Variants in CYP4F22 observed in about 807,000 individuals in gnomAD.
CYP4F22 encodes ultra-long-chain fatty acid omega-hydroxylase.
CYP4F22 carries 37 observed loss-of-function variants against 60.4 expected under a neutral mutation model. The observed-to-expected ratio is 0.61, with a 90% CI of 0.47 to 0.81. The LOEUF is 0.81. CYP4F22 is among the 30% of genes least tolerant of loss of function. The pLI is 0.00. For synonymous variants in CYP4F22, 258 were observed against 280.5 expected (o/e 0.92, Z 0.80); for missense variants, 655 against 715.0 (o/e 0.92, Z 0.96).
chr19:15,539,787 GTGCAGCC>G (rs1415958543), intron 7 of CYP4F22, among the ~76,000 whole-genome samples: 1 of 152,172 alleles, frequency 6.6e-6, no homozygotes, highest in Non-Finnish European at 1.5e-5. Context: ...TCAGGCTGGA[GTGCAGCC>G]CAACACTTGT....
chr19:15,508,810 C>T (rs1020043353), intron 1 of CYP4F22, among the ~76,000 whole-genome samples: 2 of 151,724 alleles, frequency 1.3e-5, no homozygotes, highest in African/African-American at 4.8e-5. Context: ...ACGTTTGCTG[C>T]ATTTGTGAGT....
chr19:15,513,585 C>T (rs1422172687), intron 1 of CYP4F22, among the ~76,000 whole-genome samples: 2 of 151,892 alleles, frequency 1.3e-5, no homozygotes, highest in South Asian at 2.1e-4. Flanking sequence ...AGGATGGTCT[C>T]GATCTCCTGA....
intron 4 of CYP4F22, among the ~76,000 whole-genome samples, chr19:15,533,454 G>C (rs898365646): frequency 5.9e-5 from 9 of 152,034 alleles, no homozygotes; most frequent in Non-Finnish European, 1.0e-4. Flanking sequence ...TCTGCTTTCT[G>C]TCTCTATGTA....
In CYP4F22 at chr19:15,551,734, C is replaced by T; in HGVS notation, c.*263C>T. On this transcript the variant is annotated 3_prime_UTR_variant, in exon 14 of 14. Transcript: ENST00000269703. ...CTCGCACCTGTCCTGTTTGAGGGAC[C>T]AGGGTCGACCCTGCCCCCTTGGGCT... 1 of 565,760 alleles carries T rather than the reference C, an allele frequency of 1.8e-6. No individual in the cohort carries two copies. The highest frequency in any genetic ancestry group is 3.1e-5 in the Admixed American group (1 of 32,286). 35.0% of individuals were successfully genotyped at this position (565,760 alleles called of 1,614,324 possible).
At chr19:15,535,588 A>T (rs1971386029) in intron 4 of CYP4F22, among the ~76,000 whole-genome samples, 1 of 151,944 alleles carries the variant, frequency 6.6e-6, no homozygotes, top group African/African-American at 2.4e-5. Context: ...TCATTCATCC[A>T]TCCACCTTCC....
intron 10 of CYP4F22, among the ~76,000 whole-genome samples, chr19:15,547,865 A>C (rs964054059): frequency 4.6e-5 from 7 of 151,754 alleles, no homozygotes; most frequent in Admixed American, 2.6e-4. Flanking sequence ...AAACAAAAAA[A>C]CCACTAAATA....
chr19:15,521,532 T>C (rs993884305), intron 1 of CYP4F22, among the ~76,000 whole-genome samples: 6 of 152,104 alleles, frequency 3.9e-5, no homozygotes, highest in African/African-American at 1.4e-4. Flanking sequence ...CCGCCCAGCC[T>C]ACTTCCACGT....
At chr19:15,521,233 T>C (rs1971221597) in intron 1 of CYP4F22, among the ~76,000 whole-genome samples, 1 of 26,830 alleles carries the variant, frequency 3.7e-5, no homozygotes, top group Admixed American at 3.3e-4. Flanking sequence ...ACTTCCACCT[T>C]TTTTTTTTTT....
At position 15,529,782 on chromosome 19, in the gene CYP4F22, G is replaced by T; in HGVS notation, c.296G>T (p.Trp99Leu). 1 of 1,614,154 alleles carries T rather than the reference G, an allele frequency of 6.2e-7. No homozygotes were observed. Among genetic ancestry groups the T allele is most frequent in the Non-Finnish European group, 8.5e-7 (1 of 1,180,032 alleles). Residue 99 changes from tryptophan (W) to leucine (L), a missense_variant, in exon 4 of 14, where the codon TGG becomes TTG. Trp to Leu is a moderately conservative substitution (Grantham distance 61). Around this residue, in one of 3 missense-constraint regions of CYP4F22, gnomAD observed 430 missense variants for 457.1 expected, o/e 0.94. Coordinates refer to ENST00000269703, the MANE Select transcript of CYP4F22 (RefSeq NM_173483.4). ...AACATGCACCATGTACTCTTGGTATGGATGGGACCTGTCCTGCCGCTGTTG... is the reference window on the plus strand; with the variant it reads ...AACATGCACCATGTACTCTTGGTATTGATGGGACCTGTCCTGCCGCTGTTG... ...LDNMHHVLLV[W>L]MGPVLPLLVL...
chr19:15,515,326 T>G, intron 1 of CYP4F22: 12 of 1,178,638 alleles, frequency 1.0e-5, no homozygotes, highest in Non-Finnish European at 1.4e-5. Context: ...TAATGGTTCA[T>G]GGCCAGAAAA....
chr19:15,525,915 C>T (rs1053046163), intron 3 of CYP4F22, among the ~76,000 whole-genome samples: 3 of 151,540 alleles, frequency 2.0e-5, no homozygotes. Flanking sequence ...TAGTCTCAGC[C>T]ACTTGGGAGG....
intron 1 of CYP4F22, among the ~76,000 whole-genome samples, chr19:15,521,495 G>T (rs1971224826): frequency 6.6e-6 from 1 of 152,124 alleles, no homozygotes. Flanking sequence ...GCCTCCCAAA[G>T]TGCTGGGAGT....
At chr19:15,535,664 T>C (rs888463258) in intron 4 of CYP4F22, among the ~76,000 whole-genome samples, 2 of 151,506 alleles carry the variant, frequency 1.3e-5, no homozygotes, top group African/African-American at 2.4e-5. Context: ...ATCCATCCAT[T>C]CATCCATCCA....
Position 15,549,118 on chromosome 19 carries a change from G to T in CYP4F22, c.1271-20G>T, listed in dbSNP as rs2144547466. ...GGCCCTGGCTCCCCTTGGCCCCACT[G>T]ATCCCATCTTTCCCCACAGGAATCA... On this transcript the variant is annotated intron_variant, in intron 11 of 13. Transcript: ENST00000269703. 6.2e-7 allele frequency: 1 copy of T among 1,613,926 alleles called. No homozygotes were observed.
At chr19:15,511,556 A>G (rs562936229) in intron 1 of CYP4F22, among the ~76,000 whole-genome samples, 1 of 152,170 alleles carries the variant, frequency 6.6e-6, no homozygotes. Flanking sequence ...GGAATATGTG[A>G]GTCTCTGGGG....
At chr19:15,538,019 TGGAGCCAGCTGCTCTAGGA>T in intron 7 of CYP4F22, 26 bp downstream of exon 7, 1 of 1,613,810 alleles carries the variant, frequency 6.2e-7, no homozygotes, top group South Asian at 1.1e-5. Flanking sequence ...CTTGGGAAGA[TGGAGCCAGCTGCTCTAGGA>T]GCAAGATGGT....
Position 15,551,625 on chromosome 19 carries a change from A to T in CYP4F22, c.*154A>T. 1 of 952,304 alleles carries T rather than the reference A, an allele frequency of 1.1e-6. No homozygotes were observed. The highest frequency in any genetic ancestry group is 1.5e-6 in the Non-Finnish European group (1 of 651,786). 59.0% of individuals were successfully genotyped at this position (952,304 alleles called of 1,614,324 possible). ...CACCGCTGTTGAGCAGCCTGGTGGT[A>T]CTGGCCACGCCCCTCAAGGCAAGGC... On this transcript the variant is annotated 3_prime_UTR_variant, in exon 14 of 14. Transcript: ENST00000269703.
intron 1 of CYP4F22, among the ~76,000 whole-genome samples, chr19:15,523,181 C>G (rs950919467): frequency 3.3e-5 from 5 of 151,380 alleles, no homozygotes; most frequent in Non-Finnish European, 7.4e-5. Context: ...ATGGTGAAAC[C>G]CCGTCTCTAT....
At chr19:15,522,014 G>A (rs890857501) in intron 1 of CYP4F22, among the ~76,000 whole-genome samples, 1 of 151,926 alleles carries the variant, frequency 6.6e-6, no homozygotes, top group Admixed American at 6.6e-5. Flanking sequence ...GCATGGTGGC[G>A]GGTGCCTATA....
Sources: gnomAD v4.1 joint callset for allele counts (sites outside exome capture counted in the v4.1 genomes callset) on GRCh38, gnomAD v4.1.1 for gene constraint, gnomAD v4.1.1 regional missense constraint, MANE v1.5 for transcripts, NCBI Gene and HGNC (gene_info 2026-07-23, HGNC 2026-07-21) for gene names.